The following PLEKHH2 variants were observed in gnomAD, a reference collection of about 807,000 sequenced individuals.
PLEKHH2 encodes pleckstrin homology domain-containing family H member 2.
Under a neutral mutation model 187.9 loss-of-function variants are expected in PLEKHH2, and 129 were observed. That is an observed-to-expected ratio of 0.69 (90% CI 0.59 to 0.79). The LOEUF is 0.79. Ranked by LOEUF, PLEKHH2 falls within the 30% of genes least tolerant of loss-of-function variation. The probability of loss-of-function intolerance (pLI) is 0.00; values close to 1 mark genes in which losing one functional copy is unlikely to be tolerated. For missense variants in PLEKHH2, 2,076 were observed against 1,751.2 expected (o/e 1.19, Z -3.31); for synonymous variants, 686 against 605.6 (o/e 1.13, Z -1.95).
chr2:43,673,228 A>G (rs866243107), intron 2 of PLEKHH2, among the ~76,000 whole-genome samples: 1 of 152,154 alleles, frequency 6.6e-6, no homozygotes, highest in Admixed American at 6.6e-5. Flanking sequence ...TTATATTGAG[A>G]CAAGTCCCAA....
At chr2:43,642,630 C>T (rs1225371919) in intron 1 of PLEKHH2, among the ~76,000 whole-genome samples, 1 of 152,036 alleles carries the variant, frequency 6.6e-6, no homozygotes, top group Non-Finnish European at 1.5e-5. Flanking sequence ...TGAGGAAGTT[C>T]CTGTCTATTT....
intron 2 of PLEKHH2, among the ~76,000 whole-genome samples, chr2:43,648,577 G>GTGTGTGTC (rs1666302791): frequency 6.7e-6 from 1 of 150,282 alleles, no homozygotes. Flanking sequence ...GTGTGTGTGT[G>GTGTGTGTC]TGTGTGTGTG....
chr2:43,694,738 A>T lies in PLEKHH2; in HGVS notation c.420+224A>T, dbSNP rs181466470. Among the ~76,000 whole-genome samples, 221 of 152,304 alleles carry T rather than the reference A, an allele frequency of 1.5e-3. 2 individuals carry two copies. Among genetic ancestry groups the T allele is most frequent in the Non-Finnish European group, 1.9e-4 (13 of 67,994 alleles). On this transcript the variant is annotated intron_variant, in intron 5 of 29. Transcript: ENST00000282406. The stretch of plus-strand genomic sequence containing the variant: ...CATGAGGATCAGTGTGAATAACTTT[A>T]TTCTAATAAGTTAATTTTAGTTCTA...
intron 24 of PLEKHH2, among the ~76,000 whole-genome samples, chr2:43,748,434 A>T (rs1042594284): frequency 6.6e-6 from 1 of 152,144 alleles, no homozygotes; most frequent in Non-Finnish European, 1.5e-5. Flanking sequence ...GACCTTCTAG[A>T]TTATTATTGT....
intron 9 of PLEKHH2, 94 bp downstream of exon 9, chr2:43,704,150 A>G: frequency 1.2e-6 from 1 of 850,290 alleles, no homozygotes; most frequent in Non-Finnish European, 1.8e-6. Flanking sequence ...TCACAAAAAG[A>G]CAAATACTGT....
intron 2 of PLEKHH2, among the ~76,000 whole-genome samples, chr2:43,648,260 C>G (rs980697315): frequency 3.9e-5 from 6 of 152,098 alleles, no homozygotes; most frequent in Non-Finnish European, 5.9e-5. Context: ...GCCATCTCAG[C>G]TCACTGCAAC....
intron 16 of PLEKHH2, among the ~76,000 whole-genome samples, chr2:43,725,945 CA>C (rs200447225): frequency 1.4e-5 from 2 of 144,988 alleles, no homozygotes; most frequent in African/African-American, 2.7e-5. Context: ...ACCCTATCTC[CA>C]AAAAAAAATC....
intron 16 of PLEKHH2, 123 bp downstream of exon 16, chr2:43,720,872 T>C: frequency 7.1e-7 from 1 of 1,403,334 alleles, no homozygotes; most frequent in Non-Finnish European, 9.4e-7. Flanking sequence ...TGAAATTTGG[T>C]ATAATTTGGT....
In PLEKHH2 at chr2:43,710,287, G is replaced by C. The variant is rs753568819; in HGVS notation, c.2171G>C (p.Trp724Ser). The change falls in exon 13 of 30, where the codon TGG (tryptophan) becomes TCG (serine). Residue 724 changes from tryptophan (W) to serine (S), a missense_variant. By Grantham distance (177) the Trp-to-Ser change is radical (BLOSUM62 -3). Coordinates refer to ENST00000282406, the MANE Select transcript of PLEKHH2 (RefSeq NM_172069.4). The part of the protein sequence containing the change: ...SGKVKSWKRR[W>S]FVLKGGELLY... ...AAAGTCAAGTCTTGGAAGCGGCGGT[G>C]GTTTGTTCTTAAAGGTGGTGAATTA... 1 of 1,614,120 alleles carries C rather than the reference G, an allele frequency of 6.2e-7. No homozygotes were observed. The highest frequency in any genetic ancestry group is 1.1e-5 in the South Asian group (1 of 91,076).
At chr2:43,682,159 A>G (rs1196608007) in intron 3 of PLEKHH2, among the ~76,000 whole-genome samples, 1 of 152,124 alleles carries the variant, frequency 6.6e-6, no homozygotes, top group Non-Finnish European at 1.5e-5. Flanking sequence ...ACACCCTTAA[A>G]AATCATAACC....
chr2:43,727,260 A>C (rs1427598540), intron 17 of PLEKHH2, among the ~76,000 whole-genome samples: 1 of 152,044 alleles, frequency 6.6e-6, no homozygotes, highest in Non-Finnish European at 1.5e-5. Flanking sequence ...TAAAATACAA[A>C]AATTAGCCAG....
intron 5 of PLEKHH2, 105 bp downstream of exon 5, chr2:43,694,619 G>T (rs149278248): frequency 4.1e-6 from 5 of 1,211,850 alleles, no homozygotes; most frequent in East Asian, 5.9e-5. Flanking sequence ...AATTTTGATC[G>T]GTTGGTGATA....
intron 14 of PLEKHH2, chr2:43,711,254 A>G (rs1669950662): frequency 1.0e-6 from 1 of 985,492 alleles, no homozygotes; most frequent in African/African-American, 1.7e-5. Flanking sequence ...CAACTTTGCC[A>G]GAAAGGTACA....
chr2:43,666,059 T>G (rs13016976), intron 2 of PLEKHH2, among the ~76,000 whole-genome samples: 37 of 148,652 alleles, frequency 2.5e-4, no homozygotes, highest in African/African-American at 4.4e-4. Context: ...AATGGCGGGC[T>G]CCCCTCCCCC....
intron 3 of PLEKHH2, chr2:43,681,253 C>G: frequency 1.5e-6 from 1 of 662,622 alleles, no homozygotes; most frequent in Non-Finnish European, 2.6e-6. Flanking sequence ...CAATTACAAT[C>G]CTCCTGTGGA....
At chr2:43,686,650 T>C (rs1470984652) in intron 3 of PLEKHH2, among the ~76,000 whole-genome samples, 1 of 152,262 alleles carries the variant, frequency 6.6e-6, no homozygotes, top group African/African-American at 2.4e-5. Flanking sequence ...CTTTTCAACT[T>C]CTGCAAGAAG....
Position 43,720,745 on chromosome 2 carries a change from A to T in PLEKHH2, c.2537A>T (p.Asp846Val), listed in dbSNP as rs773822955. 6.2e-7 allele frequency: 1 copy of T among 1,608,730 alleles called. No homozygotes were observed. The highest frequency in any genetic ancestry group is 1.7e-5 in the Admixed American group (1 of 58,756). ...KTLYYFRSQE[D>V]KFPLGQIKLW... is the part of the protein sequence containing the mutation. ...TTATATTATTTTCGGAGTCAAGAAGATAAGGTATGTATGTATTTTTAATAT... is the reference window on the plus strand; with the variant it reads ...TTATATTATTTTCGGAGTCAAGAAGTTAAGGTATGTATGTATTTTTAATAT... Residue 846 changes from aspartate to valine, a missense_variant, in exon 16 of 30, where the codon GAT (aspartate) becomes GTT (valine). By Grantham distance (152) the Asp-to-Val change is radical (BLOSUM62 -3). Coordinates refer to ENST00000282406, the MANE Select transcript of PLEKHH2 (RefSeq NM_172069.4).
chr2:43,700,232 G>T lies in PLEKHH2; in HGVS notation c.1274G>T (p.Gly425Val). Residue 425 changes from glycine (G) to valine (V), a missense_variant, in exon 8 of 30, where the codon GGA becomes GTA. Transcript: ENST00000282406. Reference sequence around the variant, plus strand: ...CCAAAGCATCCTAACTCACTCTCTGGAAAAGGAACACAATTAGTGCCTTCA... The same window carrying T: ...CCAAAGCATCCTAACTCACTCTCTGTAAAAGGAACACAATTAGTGCCTTCA... Reference protein sequence around the residue: ...LMPKHPNSLSGKGTQLVPSSH... With the variant: ...LMPKHPNSLSVKGTQLVPSSH... 2 of 1,614,062 alleles carry T rather than the reference G, an allele frequency of 1.2e-6. No homozygotes were observed. The highest frequency in any genetic ancestry group is 4.5e-5 in the East Asian group (2 of 44,882).
intron 2 of PLEKHH2, among the ~76,000 whole-genome samples, chr2:43,655,551 T>A (rs529690178): frequency 3.9e-5 from 6 of 152,332 alleles, no homozygotes; most frequent in African/African-American, 1.4e-4. Context: ...TGGAAGATGC[T>A]AAATGTTGTG....
Sources: gnomAD v4.1 joint callset for allele counts (sites outside exome capture counted in the v4.1 genomes callset) on GRCh38, gnomAD v4.1.1 for gene constraint, MANE v1.5 for transcripts, NCBI Gene and HGNC (gene_info 2026-07-23, HGNC 2026-07-21) for gene names.